Variants in AP1M2 observed in about 807,000 individuals in gnomAD.
AP1M2 encodes the protein AP-1 complex subunit mu-2.
AP1M2 carries 41 observed loss-of-function variants against 54.6 expected under a neutral mutation model. That is an observed-to-expected ratio of 0.75 (90% CI 0.59 to 0.97). The LOEUF is 0.97. Among genes scored for constraint, AP1M2 ranks in the 50% least tolerant of loss-of-function variants. AP1M2 has a pLI of 0.00. For missense variants in AP1M2, 507 were observed against 561.2 expected, an observed-to-expected ratio of 0.90 and a Z score of 0.98; for synonymous variants, 219 against 215.9, an observed-to-expected ratio of 1.01 and a Z score of -0.13.
intron 11 of AP1M2, among the ~76,000 whole-genome samples, chr19:10,573,965 G>C (rs919714237): frequency 2.0e-5 from 3 of 151,806 alleles, no homozygotes; most frequent in Non-Finnish European, 4.4e-5. Flanking sequence ...CCAGCCAACT[G>C]CCCCCATTTT....
intron 9 of AP1M2, 84 bp from the exon 10 acceptor site, chr19:10,575,113 C>T (rs1917190031): frequency 7.5e-7 from 1 of 1,337,378 alleles, no homozygotes; most frequent in African/African-American, 1.5e-5. Flanking sequence ...GGAGTCAGAT[C>T]TGCTCACAGC....
intron 9 of AP1M2, 36 bp from the exon 10 acceptor site, chr19:10,575,065 CCGCCTA>C: frequency 6.2e-6 from 9 of 1,440,138 alleles, no homozygotes; most frequent in Non-Finnish European, 8.2e-6. Context: ...ACACGAGGGT[CCGCCTA>C]CCCTCCCGAG....
chr19:10,581,729 C>T lies in AP1M2; in HGVS notation c.398+19G>A. 1 of 1,612,558 alleles carries T rather than the reference C, an allele frequency of 6.2e-7. No individual in the cohort carries two copies. The highest frequency in any genetic ancestry group is 1.1e-5 in the South Asian group (1 of 90,996). On this transcript the variant is annotated intron_variant, in intron 4 of 11. Coordinates refer to ENST00000250244, the MANE Select transcript of AP1M2 (RefSeq NM_005498.5). ...ACACCCACAGTCCAGCCCATGGCTG[C>T]CTCCAGGGGTCCACTCACTCCTGCA...
chr19:10,574,600 C>G (rs991562800), intron 10 of AP1M2, 108 bp from the exon 11 acceptor site: 3 of 959,052 alleles, frequency 3.1e-6, no homozygotes, highest in East Asian at 5.3e-5. Context: ...AGGCTGGGAT[C>G]GATGAGGGGA....
intron 11 of AP1M2, 22 bp downstream of exon 11, chr19:10,574,395 C>T: frequency 6.5e-7 from 1 of 1,538,404 alleles, no homozygotes; most frequent in Non-Finnish European, 8.8e-7. Flanking sequence ...CCCCATTGTC[C>T]CCAGGAGCTG....
chr19:10,583,772 C>G lies in AP1M2; in HGVS notation c.200-99G>C, dbSNP rs749155168. On this transcript the variant is annotated intron_variant, in intron 2 of 11. Coordinates refer to ENST00000250244, the MANE Select transcript of AP1M2 (RefSeq NM_005498.5). Reference sequence around the variant, plus strand: ...CTGTCCCTTGCCACCACCCTCATCTCTACCTGCCCCTGCCCCCCAGCCTAA... The same window carrying G: ...CTGTCCCTTGCCACCACCCTCATCTGTACCTGCCCCTGCCCCCCAGCCTAA... 2.2e-5 allele frequency: 33 copies of G among 1,485,264 alleles called. No individual in the cohort carries two copies. The South Asian group carries it at 3.9e-4, about 17-fold the overall frequency. 92.0% of individuals were successfully genotyped at this position (1,485,264 alleles called of 1,614,324 possible).
chr19:10,577,091 C>T, intron 9 of AP1M2, 107 bp downstream of exon 9: 1 of 1,280,096 alleles, frequency 7.8e-7, no homozygotes, highest in Non-Finnish European at 1.1e-6. Flanking sequence ...TCACACCTGA[C>T]TGGGTCTCTG....
chr19:10,581,885 G>A lies in AP1M2; in HGVS notation c.268-7C>T, dbSNP rs1177258124. 1.3e-6 allele frequency: 2 copies of A among 1,594,718 alleles called. No individual in the cohort carries two copies. The highest frequency in any genetic ancestry group is 1.8e-5 in the Admixed American group (1 of 56,562). On this transcript the variant is annotated splice_region_variant and splice_polypyrimidine_tract_variant and intron_variant, in intron 3 of 11. Transcript: ENST00000250244. ...TGAAGTATTCGCAGAATACCTGGGG[G>A]TTGGAGGAGAGAGAGACCCACAAAA...
At chr19:10,579,895 G>A (rs1486795922) in intron 6 of AP1M2, 37 bp from the exon 7 acceptor site, 2 of 1,555,024 alleles carry the variant, frequency 1.3e-6, no homozygotes, top group African/African-American at 1.4e-5. Context: ...GTGACCCTGG[G>A]AACCAGGAAA....
intron 7 of AP1M2, 140 bp downstream of exon 7, chr19:10,579,576 A>T (rs1470783531): frequency 1.1e-5 from 10 of 949,630 alleles, no homozygotes; most frequent in Non-Finnish European, 7.5e-6. Context: ...CTGGTCTCGA[A>T]CTCCTGTCCT....
At chr19:10,585,157 G>A (rs906642589) in intron 1 of AP1M2, 2 of 151,442 alleles carry the variant, frequency 1.3e-5, no homozygotes, top group Non-Finnish European at 2.9e-5. Flanking sequence ...CGAGACTACA[G>A]TGAGCTGTGG....
intron 6 of AP1M2, among the ~76,000 whole-genome samples, chr19:10,581,024 C>G (rs557355962): frequency 6.6e-6 from 1 of 152,126 alleles, no homozygotes. Flanking sequence ...TGTAAGAACG[C>G]GGGTTTGTCT....
Position 10,587,232 on chromosome 19 carries a change from G to T in AP1M2, c.-1C>A, listed in dbSNP as rs1450379424. On this transcript the variant is annotated 5_prime_UTR_variant, in exon 1 of 12. Coordinates refer to ENST00000250244, the MANE Select transcript of AP1M2 (RefSeq NM_005498.5). ...GAATGAAGACAGCCGAGGCGGACATGGTGGCGGCCGAAGGACTTAGGAGTC... is the reference window on the plus strand; with the variant it reads ...GAATGAAGACAGCCGAGGCGGACATTGTGGCGGCCGAAGGACTTAGGAGTC... The T allele has an allele frequency of 6.4e-7, 1 of 1,563,754 alleles. No individual in the cohort carries two copies. Among genetic ancestry groups the T allele is most frequent in the Non-Finnish European group, 8.7e-7 (1 of 1,154,290 alleles).
chr19:10,574,929 G>T lies in AP1M2; in HGVS notation c.1148C>A (p.Pro383His), dbSNP rs762549075. 6.9e-6 allele frequency: 11 copies of T among 1,603,656 alleles called. No individual in the cohort carries two copies. The highest frequency in any genetic ancestry group is 9.4e-6 in the Non-Finnish European group (11 of 1,174,524). Residue 383 changes from proline to histidine, a missense_variant, in exon 10 of 12, where the codon CCC becomes CAC. Pro to His is a moderately conservative substitution (Grantham distance 77). Coordinates refer to ENST00000250244, the MANE Select transcript of AP1M2 (RefSeq NM_005498.5). ...CTGGATCCCAGAGACGGTGAAGTAG[G>T]GGATCTCAAACTTGACCCCGATGGG... ...RPPIGVKFEI[P>H]YFTVSGIQVR...
intron 9 of AP1M2, among the ~76,000 whole-genome samples, chr19:10,576,160 C>T (rs1367816860): frequency 6.9e-6 from 1 of 144,260 alleles, no homozygotes; most frequent in Non-Finnish European, 1.5e-5. Flanking sequence ...GGCGTGATCT[C>T]AACTCACTGC....
At chr19:10,575,759 CTTTTTTTTTCTT>C (rs1917207397) in intron 9 of AP1M2, among the ~76,000 whole-genome samples, 2 of 124,138 alleles carry the variant, frequency 1.6e-5, no homozygotes, top group Admixed American at 8.5e-5. Context: ...CTTTTTTTTT[CTTTTTTTTTCTT>C]TTTTTTTTTT....
At chr19:10,582,535 G>T (rs1917501183) in intron 3 of AP1M2, among the ~76,000 whole-genome samples, 1 of 152,008 alleles carries the variant, frequency 6.6e-6, no homozygotes, top group East Asian at 2.0e-4. Context: ...GCTCACTTGA[G>T]GTCAGGAGTT....
intron 1 of AP1M2, among the ~76,000 whole-genome samples, chr19:10,585,283 A>AAAGAAAGAAGGAAAGAAGGAAAGAAGG (rs1568434699): frequency 9.6e-6 from 1 of 104,570 alleles, no homozygotes; most frequent in African/African-American, 4.2e-5. Flanking sequence ...AAAGAAGAAA[A>AAAGAAAGAAGGAAAGAAGGAAAGAAGG]AAAGAAAGAA....
chr19:10,587,133 A>G (rs951410738), intron 1 of AP1M2, 57 bp downstream of exon 1: 5 of 1,542,204 alleles, frequency 3.2e-6, no homozygotes, highest in Non-Finnish European at 4.4e-6. Context: ...TCGCCCCTGA[A>G]TCCCTGGGAG....
Sources: allele counts gnomAD v4.1 joint callset (sites outside exome capture counted in the v4.1 genomes callset), GRCh38; gene constraint gnomAD v4.1.1; transcripts MANE v1.5; gene names NCBI Gene and HGNC (gene_info 2026-07-23, HGNC 2026-07-21).